The following NTRK3 variants were observed in gnomAD, a reference collection of about 807,000 sequenced individuals.
The protein encoded by NTRK3 is neurotrophic receptor tyrosine kinase 3.
NTRK3 carries 24 observed loss-of-function variants against 91.7 expected under a neutral mutation model. That is an observed-to-expected ratio of 0.26 (90% CI 0.19 to 0.37). The LOEUF (loss-of-function observed/expected upper bound fraction) is 0.37, where lower values mean the gene tolerates loss of function less well. Among genes scored for constraint, NTRK3 ranks in the 10% least tolerant of loss-of-function variants. NTRK3 has a pLI of 1.00. For synonymous variants in NTRK3, 483 were observed against 404.0 expected (o/e 1.20, Z -2.34); for missense variants, 880 against 1,068.9 (o/e 0.82, Z 2.46).
intron 13 of NTRK3, among the ~76,000 whole-genome samples, chr15:88,078,694 G>A (rs2047774869): frequency 6.6e-6 from 1 of 152,164 alleles, no homozygotes; most frequent in African/African-American, 2.4e-5. Flanking sequence ...TGAGGTAAGT[G>A]AAGGCCTCTG....
chr15:88,231,340 C>T (rs2051162018), intron 3 of NTRK3, among the ~76,000 whole-genome samples: 1 of 152,082 alleles, frequency 6.6e-6, no homozygotes, highest in Admixed American at 6.6e-5. Flanking sequence ...ATCACCCATC[C>T]AGAGCTATTG....
intron 3 of NTRK3, among the ~76,000 whole-genome samples, chr15:88,186,006 C>A (rs191762780): frequency 1.2e-3 from 185 of 152,284 alleles, no homozygotes; most frequent in African/African-American, 4.3e-3. Flanking sequence ...GCCTTACAGC[C>A]CCAGGGCAGT....
intron 13 of NTRK3, chr15:88,072,801 C>A (rs1033008550): frequency 4.3e-6 from 1 of 232,906 alleles, no homozygotes; most frequent in Non-Finnish European, 8.5e-6. Context: ...AGAGGGAAAG[C>A]GGGCAGTGCT....
At chr15:87,961,073 C>T (rs2072235509) in intron 14 of NTRK3, among the ~76,000 whole-genome samples, 1 of 152,162 alleles carries the variant, frequency 6.6e-6, no homozygotes, top group Admixed American at 6.5e-5. Context: ...TGACTAATGC[C>T]TACCTGGCCT....
chr15:88,020,379 G>A (rs148337262), intron 14 of NTRK3, among the ~76,000 whole-genome samples: 1 of 152,126 alleles, frequency 6.6e-6, no homozygotes, highest in East Asian at 1.9e-4. Context: ...ACTCCTAAGA[G>A]CATCTTCATA....
intron 17 of NTRK3, chr15:87,927,821 T>C (rs2068451775): frequency 6.6e-6 from 1 of 152,160 alleles, no homozygotes; most frequent in South Asian, 2.1e-4. Context: ...GAAATAAACT[T>C]CAGTTTTTTG....
At chr15:88,047,334 C>G (rs544751038) in intron 13 of NTRK3, among the ~76,000 whole-genome samples, 123 of 151,950 alleles carry the variant, frequency 8.1e-4, no homozygotes, top group African/African-American at 2.9e-3. Flanking sequence ...GTAATATACC[C>G]AGGAATATTG....
chr15:88,094,322 A>G (rs1255914548), intron 13 of NTRK3, among the ~76,000 whole-genome samples: 1 of 150,304 alleles, frequency 6.7e-6, no homozygotes, highest in Non-Finnish European at 1.5e-5. Context: ...AAAAAAAATT[A>G]GCCGGGCGCG....
intron 14 of NTRK3, 148 bp from the exon 15 acceptor site, chr15:87,940,901 A>AAAAACTG (rs768941100): frequency 2.9e-6 from 3 of 1,037,318 alleles, no homozygotes; most frequent in Non-Finnish European, 4.5e-6. Context: ...GCTTTAGCAT[A>AAAAACTG]AAAACTGACA....
At chr15:87,940,581 AG>A in intron 15 of NTRK3, 41 bp downstream of exon 15, 1 of 1,612,608 alleles carries the variant, frequency 6.2e-7, no homozygotes. Context: ...CTGGGCCCTC[AG>A]CCAGCCCTCC....
chr15:88,238,465 A>G (rs965695732), intron 3 of NTRK3, among the ~76,000 whole-genome samples: 1 of 152,174 alleles, frequency 6.6e-6, no homozygotes, highest in African/African-American at 2.4e-5. Context: ...AAAAAGACAG[A>G]ATATAAACAT....
At chr15:88,183,865 G>A (rs371043475) in intron 4 of NTRK3, among the ~76,000 whole-genome samples, 18 of 152,294 alleles carry the variant, frequency 1.2e-4, no homozygotes, top group African/African-American at 4.1e-4. Context: ...ATCCAAGGGT[G>A]GAGGTAGCTG....
intron 14 of NTRK3, among the ~76,000 whole-genome samples, chr15:88,029,917 CCTGT>C (rs1463047013): frequency 4.6e-5 from 7 of 152,196 alleles, no homozygotes; most frequent in African/African-American, 1.7e-4. Context: ...CCCCTTTCAC[CCTGT>C]CTGTGTGAGT....
At chr15:87,979,264 A>G in intron 14 of NTRK3, 1 of 1,034,830 alleles carries the variant, frequency 9.7e-7, no homozygotes, top group Middle Eastern at 2.0e-4. Flanking sequence ...ATCCAAAGAG[A>G]ACAATGCCTA....
chr15:88,041,895 C>T (rs1264688415), intron 13 of NTRK3, among the ~76,000 whole-genome samples: 1 of 151,308 alleles, frequency 6.6e-6, no homozygotes, highest in Non-Finnish European at 1.5e-5. Flanking sequence ...AATGCCTCCT[C>T]CCCACTCTCT....
In NTRK3 at chr15:87,871,928, G is replaced by A. The variant is rs1319580558; in HGVS notation, c.*5007C>T. 45 of 221,618 alleles carry A rather than the reference G, an allele frequency of 2.0e-4. No homozygotes were observed. In the East Asian group the frequency reaches 2.9e-3, roughly 14 times the overall value. The allele number at this position is 221,618 out of a possible 1,614,324, so 13.7% of individuals were successfully genotyped here. ...GTCTTAATAATGATGCATAAACTTGGAATTTTCCTTCAAAACCTTAAATAT... is the reference window on the plus strand; with the variant it reads ...GTCTTAATAATGATGCATAAACTTGAAATTTTCCTTCAAAACCTTAAATAT... On this transcript the variant is annotated 3_prime_UTR_variant, in exon 19 of 19. Coordinates refer to ENST00000394480, the Ensembl canonical transcript of NTRK3.
At chr15:88,002,620 C>T (rs1327069515) in intron 14 of NTRK3, among the ~76,000 whole-genome samples, 3 of 150,662 alleles carry the variant, frequency 2.0e-5, no homozygotes, top group African/African-American at 7.3e-5. Context: ...TTCACTGTAA[C>T]TCTCACCTTG....
chr15:87,877,106 A>G, exon 19 of NTRK3: 5 of 1,614,068 alleles, frequency 3.1e-6, no homozygotes, highest in Non-Finnish European at 4.2e-6. Flanking sequence ...GACCTTGGGT[A>G]ATGCACTCAA....
chr15:87,956,774 G>A (rs976848577), intron 14 of NTRK3, among the ~76,000 whole-genome samples: 8 of 151,714 alleles, frequency 5.3e-5, no homozygotes, highest in African/African-American at 1.9e-4. Flanking sequence ...GTTTCGCCAT[G>A]TTGGCCAGGC....
Sources: allele counts gnomAD v4.1 joint callset (sites outside exome capture counted in the v4.1 genomes callset), GRCh38; gene constraint gnomAD v4.1.1; transcripts MANE v1.5; gene names NCBI Gene and HGNC (gene_info 2026-07-23, HGNC 2026-07-21).